The following CRACR2A variants were observed in gnomAD, a reference collection of about 807,000 sequenced individuals.
CRACR2A encodes calcium release activated channel regulator 2A.
Under a neutral mutation model 90.5 loss-of-function variants are expected in CRACR2A, and 79 were observed. The ratio of observed to expected loss-of-function variants is 0.87; its 90% CI spans 0.73 to 1.05. The LOEUF is 1.05. Ranked by LOEUF, CRACR2A falls within the 50% of genes least tolerant of loss-of-function variation. CRACR2A has a pLI of 0.00. For synonymous variants in CRACR2A, 338 were observed against 356.7 expected (o/e 0.95, Z 0.59); for missense variants, 823 against 897.2 (o/e 0.92, Z 1.06).
At chr12:3,720,519 G>T (rs1946154311) in intron 2 of CRACR2A, among the ~76,000 whole-genome samples, 1 of 152,100 alleles carries the variant, frequency 6.6e-6, no homozygotes, top group African/African-American at 2.4e-5. Flanking sequence ...TACACCGCCA[G>T]GCTCTTGTGC....
intron 15 of CRACR2A, among the ~76,000 whole-genome samples, chr12:3,629,548 G>T (rs995671241): frequency 6.6e-6 from 1 of 152,236 alleles, no homozygotes; most frequent in African/African-American, 2.4e-5. Context: ...GCTGCCCGAG[G>T]ACAGAGGCCT....
chr12:3,644,522 TCGA>T, intron 12 of CRACR2A, 70 bp downstream of exon 12: 1 of 1,453,104 alleles, frequency 6.9e-7, no homozygotes, highest in Non-Finnish European at 9.4e-7. Flanking sequence ...TGGGCCAGTC[TCGA>T]CATGGATCTG....
intron 3 of CRACR2A, among the ~76,000 whole-genome samples, chr12:3,709,913 T>G (rs1255660408): frequency 6.6e-6 from 1 of 152,232 alleles, no homozygotes; most frequent in South Asian, 2.1e-4. Context: ...CCTGATACAA[T>G]ATGGACTACA....
intron 1 of CRACR2A, among the ~76,000 whole-genome samples, chr12:3,737,963 C>T (rs1355037330): frequency 6.6e-6 from 1 of 152,246 alleles, no homozygotes; most frequent in Non-Finnish European, 1.5e-5. Flanking sequence ...TTTGGTGACA[C>T]TCCTTCTGGT....
chr12:3,626,686 AGGCCTG>A, intron 17 of CRACR2A, among the ~76,000 whole-genome samples: 1 of 152,212 alleles, frequency 6.6e-6, no homozygotes, highest in African/African-American at 2.4e-5. Context: ...GAATCAGCCG[AGGCCTG>A]GCAAAAAGCA....
At chr12:3,743,585 G>C (rs1337813597) in intron 1 of CRACR2A, among the ~76,000 whole-genome samples, 1 of 152,178 alleles carries the variant, frequency 6.6e-6, no homozygotes, top group Non-Finnish European at 1.5e-5. Flanking sequence ...CTAGGTGTCT[G>C]GTGTGAACCC....
intron 3 of CRACR2A, among the ~76,000 whole-genome samples, chr12:3,701,123 A>G (rs1362084719): frequency 6.6e-6 from 1 of 152,144 alleles, no homozygotes; most frequent in Non-Finnish European, 1.5e-5. Context: ...GCCAAAGAAA[A>G]AAAGGAAAGG....
At chr12:3,677,912 A>C (rs541771235) in intron 6 of CRACR2A, among the ~76,000 whole-genome samples, 1 of 152,188 alleles carries the variant, frequency 6.6e-6, no homozygotes, top group East Asian at 1.9e-4. Flanking sequence ...AGTCTACCAA[A>C]TTGTTTGCTG....
intron 3 of CRACR2A, among the ~76,000 whole-genome samples, chr12:3,697,278 A>G (rs1305469498): frequency 1.3e-5 from 2 of 152,152 alleles, no homozygotes; most frequent in Admixed American, 1.3e-4. Flanking sequence ...ACATCTCCAG[A>G]TTGAAAGGAG....
At chr12:3,653,215 T>TCAGG (rs571899207) in intron 10 of CRACR2A, among the ~76,000 whole-genome samples, 1 of 150,530 alleles carries the variant, frequency 6.6e-6, no homozygotes, top group Non-Finnish European at 1.5e-5. Flanking sequence ...ACTCCTGACC[T>TCAGG]TGTAATCTGC....
intron 15 of CRACR2A, among the ~76,000 whole-genome samples, chr12:3,629,856 G>C (rs1013674563): frequency 1.3e-4 from 20 of 150,688 alleles, no homozygotes; most frequent in South Asian, 2.1e-4. Flanking sequence ...CAAGGGGGGG[G>C]GGGGATGAAG....
chr12:3,671,116 C>T (rs1591674399), intron 7 of CRACR2A, among the ~76,000 whole-genome samples: 2 of 152,310 alleles, frequency 1.3e-5, no homozygotes, highest in East Asian at 3.9e-4. Context: ...GGCTAAGCAG[C>T]TCTCCAGCAA....
At chr12:3,712,223 AT>A (rs35576958) in intron 3 of CRACR2A, among the ~76,000 whole-genome samples, 82 of 149,308 alleles carry the variant, frequency 5.5e-4, no homozygotes, top group East Asian at 2.2e-3. Context: ...GAAGTTGGCC[AT>A]TTTTTTTTTT....
intron 4 of CRACR2A, among the ~76,000 whole-genome samples, chr12:3,683,657 T>A (rs1056642630): frequency 1.3e-5 from 2 of 152,258 alleles, no homozygotes; most frequent in Admixed American, 6.5e-5. Flanking sequence ...TAGCATTTTA[T>A]ATACTGATAG....
At chr12:3,706,048 T>C (rs951054527) in intron 3 of CRACR2A, among the ~76,000 whole-genome samples, 2 of 152,190 alleles carry the variant, frequency 1.3e-5, no homozygotes, top group African/African-American at 4.8e-5. Flanking sequence ...GCACAGGTGA[T>C]AGTAGCTGAT....
chr12:3,648,313 C>G, intron 11 of CRACR2A: 1 of 1,447,438 alleles, frequency 6.9e-7, no homozygotes, highest in Non-Finnish European at 9.1e-7. Flanking sequence ...GGCAGAGCCT[C>G]CCCACCAGGA....
chr12:3,724,155 C>A (rs1017070221), intron 2 of CRACR2A, among the ~76,000 whole-genome samples: 25 of 152,288 alleles, frequency 1.6e-4, no homozygotes, highest in African/African-American at 6.0e-4. Flanking sequence ...CGTTTAATTG[C>A]TTTTCTCTAC....
intron 7 of CRACR2A, among the ~76,000 whole-genome samples, chr12:3,663,419 G>C (rs1228642373): frequency 6.6e-6 from 1 of 152,194 alleles, no homozygotes; most frequent in East Asian, 1.9e-4. Flanking sequence ...TCTCTAAGCA[G>C]TTATTTCATC....
At chr12:3,625,143 T>G (rs1944233193) in intron 17 of CRACR2A, among the ~76,000 whole-genome samples, 1 of 152,170 alleles carries the variant, frequency 6.6e-6, no homozygotes, top group African/African-American at 2.4e-5. Flanking sequence ...TGTTTACACA[T>G]AAGCAATTCT....
Sources: allele counts gnomAD v4.1 joint callset (sites outside exome capture counted in the v4.1 genomes callset), GRCh38; gene constraint gnomAD v4.1.1; transcripts MANE v1.5; gene names NCBI Gene and HGNC (gene_info 2026-07-23, HGNC 2026-07-21).